The following TYRP1 variants were observed in gnomAD, a reference collection of about 807,000 sequenced individuals.
The protein encoded by TYRP1 is tyrosinase related protein 1.
TYRP1 carries 49 observed loss-of-function variants against 42.8 expected under a neutral mutation model. That is an observed-to-expected ratio of 1.14 (90% CI 0.91 to 1.45). TYRP1 has a LOEUF of 1.45. Ranked by LOEUF, TYRP1 falls within the 40% of genes most tolerant of loss-of-function variation. The pLI, the probability that TYRP1 is intolerant of heterozygous loss-of-function variation, is 0.00. For synonymous variants in TYRP1, 279 were observed against 235.4 expected (o/e 1.19, Z -1.69); for missense variants, 848 against 662.0 (o/e 1.28, Z -3.08).
chr9:12,704,502 T>C lies in TYRP1; in HGVS notation c.1082-24T>C, dbSNP rs200288275. The C allele has an allele frequency of 1.7e-5, 27 of 1,605,948 alleles. No individual in the cohort carries two copies. The Admixed American group carries it at 2.0e-4, about 12-fold the overall frequency. ...TGAAATATTTGCAATAGTTTTACTA[T>C]TCTCCTCCTTACCATGTGTCTAGGT... is the stretch of plus-strand genomic sequence containing the variant. On this transcript the variant is annotated intron_variant, in intron 5 of 7. Coordinates refer to ENST00000388918, the MANE Select transcript of TYRP1 (RefSeq NM_000550.3).
chr9:12,696,547 A>AT (rs1391385761), intron 3 of TYRP1, among the ~76,000 whole-genome samples: 1 of 152,150 alleles, frequency 6.6e-6, no homozygotes, highest in Admixed American at 6.6e-5. Flanking sequence ...AAATATCAAA[A>AT]TAATTATATC....
At chr9:12,694,455 G>A in intron 2 of TYRP1, 74 bp downstream of exon 2, 2 of 1,546,122 alleles carry the variant, frequency 1.3e-6, no homozygotes, top group East Asian at 4.6e-5. Flanking sequence ...TAAATCATTT[G>A]AGCTGGAGGA....
chr9:12,708,502 GC>G (rs1818298233), intron 7 of TYRP1, among the ~76,000 whole-genome samples: 1 of 151,894 alleles, frequency 6.6e-6, no homozygotes, highest in African/African-American at 2.4e-5. Context: ...CATGGAATAT[GC>G]CCCAATTTTT....
chr9:12,694,897 A>G (rs7871484), intron 2 of TYRP1, among the ~76,000 whole-genome samples: 1,661 of 152,296 alleles, frequency 0.011, 31 homozygotes, highest in African/African-American at 0.038. Context: ...ATAACAAAGC[A>G]CTAAACAGTA....
intron 1 of TYRP1, 57 bp from the exon 2 acceptor site, chr9:12,693,855 A>C: frequency 8.9e-7 from 1 of 1,127,472 alleles, no homozygotes; most frequent in Middle Eastern, 2.9e-4. Context: ...AAGGGGGCAT[A>C]CCATTTTAAG....
At position 12,702,285 on chromosome 9, in the gene TYRP1, C is replaced by G. The variant is rs764367026; in HGVS notation, c.928C>G (p.Pro310Ala). 1 of 1,612,912 alleles carries G rather than the reference C, an allele frequency of 6.2e-7. No individual in the cohort carries two copies. The highest frequency in any genetic ancestry group is 1.1e-5 in the South Asian group (1 of 91,070). The change falls in exon 5 of 8, where the codon CCA becomes GCA. Residue 310 changes from proline (P) to alanine (A), a missense_variant. Transcript: ENST00000388918. ...TTTTTCTGCAGGCACCGAGGATGGG[C>G]CAATTAGGAGAAATCCAGCTGGAAA... Reference protein sequence around the residue: ...GTLCNSTEDGPIRRNPAGNVA... With the variant: ...GTLCNSTEDGAIRRNPAGNVA...
At position 12,694,332 on chromosome 9, in the gene TYRP1, G is replaced by T. The variant is rs764210038; in HGVS notation, c.336G>T (p.Thr112=). ...NGNFSGHNCG[T]CRPGWRGAAC... Reference sequence around the variant, plus strand: ...ATTTCTCAGGACACAACTGTGGGACGTGCCGTCCTGGCTGGAGAGGAGCTG... The same window carrying T: ...ATTTCTCAGGACACAACTGTGGGACTTGCCGTCCTGGCTGGAGAGGAGCTG... The change falls in exon 2 of 8, where the codon ACG becomes ACT. Residue 112 remains threonine, a synonymous_variant. Coordinates refer to ENST00000388918, the MANE Select transcript of TYRP1 (RefSeq NM_000550.3). 1.9e-6 allele frequency: 3 copies of T among 1,613,952 alleles called. No homozygotes were observed. The highest frequency in any genetic ancestry group is 2.5e-6 in the Non-Finnish European group (3 of 1,180,004).
Position 12,709,071 on chromosome 9 carries a change from T to G in TYRP1, c.1503T>G (p.Ile501Met). Residue 501 changes from isoleucine to methionine, a missense_variant, in exon 8 of 8, where the codon ATT becomes ATG. By Grantham distance (10) the Ile-to-Met change is conservative (BLOSUM62 1). Transcript: ENST00000388918. The stretch of plus-strand genomic sequence containing the variant: ...TTTTTGGGACTGCTTCTTATCTGAT[T>G]CGTGCCAGACGCAGTATGGATGAAG... ...ALIFGTASYL[I>M]RARRSMDEAN... 6.2e-7 allele frequency: 1 copy of G among 1,612,900 alleles called. No homozygotes were observed. The highest frequency in any genetic ancestry group is 8.5e-7 in the Non-Finnish European group (1 of 1,179,274).
intron 6 of TYRP1, among the ~76,000 whole-genome samples, chr9:12,706,270 T>A (rs1230253638): frequency 6.6e-6 from 1 of 151,972 alleles, no homozygotes; most frequent in Non-Finnish European, 1.5e-5. Context: ...GTTAGTAAAC[T>A]TTTTAGAGGA....
chr9:12,703,788 A>G (rs569630611), intron 5 of TYRP1, among the ~76,000 whole-genome samples: 9 of 151,926 alleles, frequency 5.9e-5, no homozygotes, highest in South Asian at 2.1e-4. Context: ...CTTCAACCCA[A>G]TTAGACAGCC....
intron 5 of TYRP1, among the ~76,000 whole-genome samples, chr9:12,703,538 C>T (rs1417973866): frequency 1.3e-5 from 2 of 151,782 alleles, no homozygotes; most frequent in East Asian, 3.9e-4. Flanking sequence ...ATACTTATTT[C>T]CTGACAAAAT....
rs1248060863 is a variant in TYRP1 at position 12,702,325 on chromosome 9, T to C, written c.968T>C (p.Met323Thr). The C allele has an allele frequency of 6.2e-7, 1 of 1,613,054 alleles. No individual in the cohort carries two copies. The highest frequency in any genetic ancestry group is 8.5e-7 in the Non-Finnish European group (1 of 1,179,496). The change falls in exon 5 of 8, where the codon ATG (methionine) becomes ACG (threonine). Residue 323 changes from methionine (M) to threonine (T), a missense_variant. Coordinates refer to ENST00000388918, the MANE Select transcript of TYRP1 (RefSeq NM_000550.3). The stretch of plus-strand genomic sequence containing the variant: ...CCAGCTGGAAATGTGGCCAGACCAA[T>C]GGTGCAACGTCTTCCTGAACCACAG... ...RNPAGNVARP[M>T]VQRLPEPQDV...
rs200754545 is a variant in TYRP1 at position 12,698,487 on chromosome 9, T to G, written c.745T>G (p.Trp249Gly). The change falls in exon 4 of 8, where the codon TGG becomes GGG. Residue 249 changes from tryptophan to glycine, a missense_variant. By Grantham distance (184) the Trp-to-Gly change is radical. Coordinates refer to ENST00000388918, the MANE Select transcript of TYRP1 (RefSeq NM_000550.3). Reference sequence around the variant, plus strand: ...AGAGCCTTCTTTCTCCCTTCCTTACTGGAATTTTGCAACGGGGAAAAATGT... The same window carrying G: ...AGAGCCTTCTTTCTCCCTTCCTTACGGGAATTTTGCAACGGGGAAAAATGT... ...LQEPSFSLPY[W>G]NFATGKNVCD... 1 of 1,613,804 alleles carries G rather than the reference T, an allele frequency of 6.2e-7. No individual in the cohort carries two copies. The highest frequency in any genetic ancestry group is 2.2e-5 in the East Asian group (1 of 44,848).
At chr9:12,702,214 G>T in intron 4 of TYRP1, 57 bp from the exon 5 acceptor site, 4 of 1,582,860 alleles carry the variant, frequency 2.5e-6, no homozygotes, top group Non-Finnish European at 3.5e-6. Context: ...TTTAAAGAGC[G>T]ACAATAAGAA....
Position 12,695,498 on chromosome 9 carries a change from A to C in TYRP1, c.386-17A>C. 1 of 1,613,732 alleles carries C rather than the reference A, an allele frequency of 6.2e-7. No homozygotes were observed. Among genetic ancestry groups the C allele is most frequent in the Non-Finnish European group, 8.5e-7 (1 of 1,179,752 alleles). ...GCAAGGCAGATGTTTTCATGCTTGA[A>C]TTTTGTATCCCTAAAGTCAGGAGAA... On this transcript the variant is annotated splice_polypyrimidine_tract_variant and intron_variant, in intron 2 of 7. Coordinates refer to ENST00000388918, the MANE Select transcript of TYRP1 (RefSeq NM_000550.3).
intron 5 of TYRP1, among the ~76,000 whole-genome samples, chr9:12,704,054 AAT>A (rs1818219214): frequency 6.6e-6 from 1 of 151,986 alleles, no homozygotes; most frequent in South Asian, 2.1e-4. Context: ...CCCCACAAAA[AAT>A]AGTTTTCCAA....
In TYRP1 at chr9:12,709,706, G is replaced by A. The variant is rs1352318352; in HGVS notation, c.*524G>A. ...TTTTGATTAACCTTTTCAAATTAAT[G>A]TTCCAGTTTGAAGACCAATCAAATA... On this transcript the variant is annotated 3_prime_UTR_variant, in exon 8 of 8. Transcript: ENST00000388918. 6 of 161,932 alleles carry A rather than the reference G, an allele frequency of 3.7e-5. No individual in the cohort carries two copies. The highest frequency in any genetic ancestry group is 8.2e-5 in the Non-Finnish European group (6 of 73,342). 10.0% of individuals were successfully genotyped at this position (161,932 alleles called of 1,614,324 possible).
chr9:12,700,822 T>C (rs552201902), intron 4 of TYRP1, among the ~76,000 whole-genome samples: 2 of 152,180 alleles, frequency 1.3e-5, no homozygotes, highest in East Asian at 1.9e-4. Context: ...ATTGATAGTC[T>C]AGCTAGTGAT....
intron 5 of TYRP1, among the ~76,000 whole-genome samples, chr9:12,704,075 G>A (rs1326197466): frequency 2.0e-5 from 3 of 151,930 alleles, no homozygotes; most frequent in Non-Finnish European, 2.9e-5. Flanking sequence ...AAAAATAAAC[G>A]TGCTAACAGT....
Sources: allele counts gnomAD v4.1 joint callset (sites outside exome capture counted in the v4.1 genomes callset), GRCh38; gene constraint gnomAD v4.1.1; transcripts MANE v1.5; gene names NCBI Gene and HGNC (gene_info 2026-07-23, HGNC 2026-07-21).